CNBD1: variants seen among roughly 807,000 people sequenced by gnomAD.
The protein encoded by CNBD1 is cyclic nucleotide-binding domain-containing protein 1.
Under a neutral mutation model 54.4 loss-of-function variants are expected in CNBD1, and 71 were observed. That is an observed-to-expected ratio of 1.30 (90% confidence interval 1.08 to 1.59). The LOEUF (loss-of-function observed/expected upper bound fraction) is 1.59. CNBD1 is among the 40% of genes most tolerant of loss of function. CNBD1 has a pLI of 0.00. For missense variants in CNBD1, 659 were observed against 518.0 expected, an observed-to-expected ratio of 1.27 and a Z score of -2.64; for synonymous variants, 182 against 170.7, an observed-to-expected ratio of 1.07 and a Z score of -0.51.
rs566575632 is a variant in CNBD1, at chr8:87,190,769, T to G, written c.432-15224T>G. 2.6e-5 allele frequency among the ~76,000 whole-genome samples: 4 copies of G among 151,704 alleles called. No individual in the cohort carries two copies. The East Asian group carries it at 7.8e-4, about 30-fold the overall frequency. ...GTAAGACATTTTCACTATAGTCATG[T>G]GTTTTTCCTTTGCCTGCTGTGTTAG... On this transcript the variant is annotated intron_variant, in intron 4 of 10. Coordinates refer to ENST00000518476, the MANE Select transcript of CNBD1 (RefSeq NM_173538.3).
chr8:87,178,339 G>C (rs1813242244), intron 4 of CNBD1, among the ~76,000 whole-genome samples: 3 of 152,184 alleles, frequency 2.0e-5, no homozygotes, highest in African/African-American at 4.8e-5. Flanking sequence ...ATGAGAAGTT[G>C]ACATTTGAGC....
intron 4 of CNBD1, among the ~76,000 whole-genome samples, chr8:87,060,048 T>C (rs1261200212): frequency 6.6e-6 from 1 of 152,228 alleles, no homozygotes; most frequent in Admixed American, 6.5e-5. Context: ...CCAAGAATAG[T>C]TCCTGGGAAG....
At chr8:87,148,200 C>A (rs1451840922) in intron 4 of CNBD1, among the ~76,000 whole-genome samples, 1 of 152,090 alleles carries the variant, frequency 6.6e-6, no homozygotes, top group Non-Finnish European at 1.5e-5. Context: ...TTACCTTCAA[C>A]CTTGTCAGGA....
intron 4 of CNBD1, among the ~76,000 whole-genome samples, chr8:87,070,070 C>G (rs1273188289): frequency 6.6e-6 from 1 of 151,992 alleles, no homozygotes; most frequent in Non-Finnish European, 1.5e-5. Context: ...GCTGGATACT[C>G]AAAGGTTTAA....
intron 2 of CNBD1, among the ~76,000 whole-genome samples, chr8:87,415,030 T>A (rs1183880867): frequency 6.6e-6 from 1 of 152,068 alleles, no homozygotes. Context: ...AAGGGGGACC[T>A]GCTCAGTGCC....
At chr8:87,022,912 G>T (rs904991313) in intron 4 of CNBD1, among the ~76,000 whole-genome samples, 2 of 152,200 alleles carry the variant, frequency 1.3e-5, no homozygotes, top group Non-Finnish European at 1.5e-5. Context: ...AAGAATGGAG[G>T]TAAGAAAGGA....
intron 8 of CNBD1, among the ~76,000 whole-genome samples, chr8:87,336,403 C>CT (rs1441195074): frequency 2.0e-5 from 3 of 151,966 alleles, no homozygotes; most frequent in Non-Finnish European, 2.9e-5. Flanking sequence ...TCCTTTTCCC[C>CT]TTTTTTCCTC....
At chr8:87,334,690 G>C (rs1366418091) in intron 8 of CNBD1, among the ~76,000 whole-genome samples, 1 of 147,934 alleles carries the variant, frequency 6.8e-6, no homozygotes, top group Non-Finnish European at 1.5e-5. Flanking sequence ...TTTTGAGTGA[G>C]TTTTCTTTTT....
intron 5 of CNBD1, among the ~76,000 whole-genome samples, chr8:87,213,158 C>G (rs981062296): frequency 2.0e-5 from 3 of 152,180 alleles, no homozygotes; most frequent in Non-Finnish European, 4.4e-5. Flanking sequence ...GCATACTACT[C>G]CATCCCCACT....
intron 4 of CNBD1, among the ~76,000 whole-genome samples, chr8:87,174,707 A>C (rs775423475): frequency 6.6e-5 from 10 of 151,986 alleles, no homozygotes; most frequent in Non-Finnish European, 1.2e-4. Context: ...TTCTTTTTTT[A>C]ACTTGTCCTT....
intron 2 of CNBD1, among the ~76,000 whole-genome samples, chr8:87,408,449 AAATAACAG>A (rs1377651961): frequency 5.3e-5 from 8 of 152,042 alleles, no homozygotes; most frequent in Non-Finnish European, 8.8e-5. Context: ...CTAACAAGTG[AAATAACAG>A]AATTCCAACT....
intron 4 of CNBD1, among the ~76,000 whole-genome samples, chr8:87,036,431 G>A (rs112760972): frequency 0.04 from 6,022 of 151,494 alleles, 403 homozygotes; most frequent in African/African-American, 0.14. Flanking sequence ...CATCTCTACT[G>A]AAAATACAAA....
chr8:87,270,491 G>T (rs1253029083), intron 6 of CNBD1, among the ~76,000 whole-genome samples: 1 of 151,830 alleles, frequency 6.6e-6, no homozygotes, highest in African/African-American at 2.4e-5. Flanking sequence ...TGAGAAAAAT[G>T]GAACACTTAT....
intron 4 of CNBD1, among the ~76,000 whole-genome samples, chr8:86,957,406 A>G (rs1187150390): frequency 2.6e-5 from 4 of 152,186 alleles, no homozygotes; most frequent in Non-Finnish European, 1.5e-5. Context: ...AAGGAATGGT[A>G]CCAGCTCCTC....
intron 6 of CNBD1, among the ~76,000 whole-genome samples, chr8:87,256,927 G>A (rs868808741): frequency 2.6e-5 from 4 of 151,948 alleles, no homozygotes; most frequent in Middle Eastern, 3.4e-3. Flanking sequence ...TCCAATCTTC[G>A]GGTTCTAGAT....
At chr8:87,068,455 A>G (rs564341540) in intron 4 of CNBD1, among the ~76,000 whole-genome samples, 1 of 152,180 alleles carries the variant, frequency 6.6e-6, no homozygotes, top group South Asian at 2.1e-4. Flanking sequence ...TTATGTAAAG[A>G]AACAATACCA....
At chr8:86,967,117 A>G (rs111295447) in intron 4 of CNBD1, among the ~76,000 whole-genome samples, 22 of 152,288 alleles carry the variant, frequency 1.4e-4, no homozygotes, top group African/African-American at 4.8e-4. Flanking sequence ...ACCTCTCACC[A>G]GGAGTGGAGA....
At chr8:87,425,364 A>C (rs1288397165) in intron 2 of CNBD1, among the ~76,000 whole-genome samples, 4 of 152,074 alleles carry the variant, frequency 2.6e-5, no homozygotes, top group Non-Finnish European at 4.4e-5. Context: ...GCTGGTGAGG[A>C]GCTGCGTTCC....
intron 8 of CNBD1, among the ~76,000 whole-genome samples, chr8:87,313,921 C>T (rs925043330): frequency 6.6e-6 from 1 of 151,804 alleles, no homozygotes; most frequent in Non-Finnish European, 1.5e-5. Flanking sequence ...TTGTACCTTG[C>T]ATTTTCTAGT....
Sources: gnomAD v4.1 joint callset for allele counts (sites outside exome capture counted in the v4.1 genomes callset) on GRCh38, gnomAD v4.1.1 for gene constraint, MANE v1.5 for transcripts, NCBI Gene and HGNC (gene_info 2026-07-23, HGNC 2026-07-21) for gene names.